SDK1: variants seen among roughly 807,000 people sequenced by gnomAD.
SDK1 encodes the protein protein sidekick-1.
SDK1 carries 157 observed loss-of-function variants against 245.5 expected under a neutral mutation model. The ratio of observed to expected loss-of-function variants is 0.64; its 90% CI spans 0.56 to 0.73. SDK1 has a LOEUF of 0.73. Ranked by LOEUF, SDK1 falls within the 30% of genes least tolerant of loss-of-function variation. The pLI, the probability that SDK1 is intolerant of heterozygous loss-of-function variation, is 0.00. For missense variants in SDK1, 3,583 were observed against 3,002.3 expected (o/e 1.19, Z -4.52); for synonymous variants, 1,647 against 1,278.5 (o/e 1.29, Z -6.15).
Position 3,947,620 on chromosome 7 carries a change from A to G in SDK1, c.848-3303A>G, listed in dbSNP as rs375271222. Among the ~76,000 whole-genome samples, 7 of 151,616 alleles carry G rather than the reference A, an allele frequency of 4.6e-5. No homozygotes were observed. The South Asian group carries it at 6.2e-4, about 13-fold the overall frequency. ...CTATGTATATCTTTTAAAAATACAT[A>G]TATATCTATATGTGTATCTATATCT... On this transcript the variant is annotated intron_variant, in intron 5 of 44. Transcript: ENST00000404826.
At chr7:3,528,777 G>A (rs971153478) in intron 1 of SDK1, among the ~76,000 whole-genome samples, 8 of 152,012 alleles carry the variant, frequency 5.3e-5, no homozygotes, top group African/African-American at 1.2e-4. Flanking sequence ...ATTTTGCCCT[G>A]AGCAATGGGG....
At chr7:3,582,027 A>G (rs536593487) in intron 1 of SDK1, among the ~76,000 whole-genome samples, 1 of 151,904 alleles carries the variant, frequency 6.6e-6, no homozygotes, top group South Asian at 2.1e-4. Flanking sequence ...TGTCTCAGGT[A>G]GATCTGTCTC....
At chr7:3,913,387 A>T (rs543151274) in intron 5 of SDK1, among the ~76,000 whole-genome samples, 1 of 144,530 alleles carries the variant, frequency 6.9e-6, no homozygotes, top group Non-Finnish European at 1.5e-5. Context: ...TCCGCCTCCC[A>T]GGTTCACGCC....
intron 5 of SDK1, among the ~76,000 whole-genome samples, chr7:3,869,557 C>T (rs763877614): frequency 2.6e-5 from 4 of 152,202 alleles, no homozygotes; most frequent in East Asian, 1.9e-4. Context: ...GCAGCGGCCA[C>T]CCTGTGCCCC....
chr7:3,536,095 C>A (rs180738883), intron 1 of SDK1, among the ~76,000 whole-genome samples: 1 of 150,230 alleles, frequency 6.7e-6, no homozygotes, highest in Non-Finnish European at 1.5e-5. Context: ...CTCACTCTGT[C>A]GCCCAGGCTG....
intron 1 of SDK1, among the ~76,000 whole-genome samples, chr7:3,523,920 C>A (rs191832969): frequency 2.4e-4 from 37 of 152,278 alleles, no homozygotes; most frequent in Non-Finnish European, 1.5e-5. Context: ...ATAGCCCCTG[C>A]TGTCAGCTTG....
chr7:3,451,315 A>G (rs1391162083), intron 1 of SDK1, among the ~76,000 whole-genome samples: 1 of 152,176 alleles, frequency 6.6e-6, no homozygotes, highest in Non-Finnish European at 1.5e-5. Flanking sequence ...GGAGAGAGGA[A>G]GGAACGTTTT....
At chr7:4,003,008 A>G (rs1785189467) in intron 14 of SDK1, among the ~76,000 whole-genome samples, 1 of 152,228 alleles carries the variant, frequency 6.6e-6, no homozygotes, top group South Asian at 2.1e-4. Context: ...GCTCCACCCC[A>G]TGGGCATCAG....
chr7:3,703,415 A>G (rs1784793347), intron 4 of SDK1, among the ~76,000 whole-genome samples: 1 of 152,208 alleles, frequency 6.6e-6, no homozygotes, highest in Non-Finnish European at 1.5e-5. Context: ...AAAATGAGAA[A>G]ATTATATAGT....
intron 5 of SDK1, among the ~76,000 whole-genome samples, chr7:3,909,818 C>G (rs930255716): frequency 6.6e-6 from 1 of 152,192 alleles, no homozygotes; most frequent in Non-Finnish European, 1.5e-5. Context: ...CGAGGCACCT[C>G]TTCATATATA....
chr7:3,488,294 CTCTT>C (rs1583936418), intron 1 of SDK1, among the ~76,000 whole-genome samples: 1 of 151,920 alleles, frequency 6.6e-6, no homozygotes, highest in African/African-American at 2.4e-5. Flanking sequence ...TCTGTGCTTT[CTCTT>C]TCTTTAACTT....
At chr7:3,414,669 C>T (rs1779311693) in intron 1 of SDK1, among the ~76,000 whole-genome samples, 1 of 152,076 alleles carries the variant, frequency 6.6e-6, no homozygotes, top group Non-Finnish European at 1.5e-5. Context: ...GTTGTTCAAC[C>T]ATCACCACTA....
chr7:4,182,613 C>A (rs1053702639), intron 35 of SDK1, among the ~76,000 whole-genome samples: 1 of 152,204 alleles, frequency 6.6e-6, no homozygotes, highest in Admixed American at 6.5e-5. Flanking sequence ...AGCTCCTCAT[C>A]CTGAGGGAGA....
chr7:4,051,166 T>C (rs568099256), intron 18 of SDK1, among the ~76,000 whole-genome samples: 105 of 140,232 alleles, frequency 7.5e-4, no homozygotes, highest in South Asian at 2.2e-3. Context: ...ATATAGTATA[T>C]ATGTATATAT....
chr7:3,991,576 CT>C (rs1212937759), intron 14 of SDK1, among the ~76,000 whole-genome samples: 18 of 152,190 alleles, frequency 1.2e-4, no homozygotes, highest in African/African-American at 4.1e-4. Flanking sequence ...AGGTGTCCAG[CT>C]GCTTAATTTC....
At chr7:3,495,889 G>A (rs1427292187) in intron 1 of SDK1, among the ~76,000 whole-genome samples, 1 of 152,176 alleles carries the variant, frequency 6.6e-6, no homozygotes, top group Admixed American at 6.5e-5. Flanking sequence ...AGTTAATACC[G>A]TATTCTAACG....
At chr7:3,907,174 A>G (rs909810507) in intron 5 of SDK1, among the ~76,000 whole-genome samples, 2 of 152,190 alleles carry the variant, frequency 1.3e-5, no homozygotes, top group African/African-American at 2.4e-5. Flanking sequence ...CATTTTAGCC[A>G]TGCAACTTAG....
intron 4 of SDK1, among the ~76,000 whole-genome samples, chr7:3,809,478 C>A (rs1273090390): frequency 6.6e-6 from 1 of 152,170 alleles, no homozygotes; most frequent in African/African-American, 2.4e-5. Context: ...CAGGTGCTCC[C>A]GTCTCTGCTG....
chr7:3,841,147 C>G (rs931318012), intron 5 of SDK1, among the ~76,000 whole-genome samples: 2 of 152,222 alleles, frequency 1.3e-5, no homozygotes, highest in African/African-American at 2.4e-5. Flanking sequence ...GGTGCCTTGC[C>G]TCTTTCCTCG....
Sources: gnomAD v4.1 joint callset for allele counts (sites outside exome capture counted in the v4.1 genomes callset) on GRCh38, gnomAD v4.1.1 for gene constraint, MANE v1.5 for transcripts, NCBI Gene and HGNC (gene_info 2026-07-23, HGNC 2026-07-21) for gene names.